PIP5K1B: variants seen among roughly 807,000 people sequenced by gnomAD.
PIP5K1B encodes phosphatidylinositol-4-phosphate 5-kinase type 1 beta, also known as phosphatidylinositol 4-phosphate 5-kinase type-1 beta.
In PIP5K1B, 42 loss-of-function variants were observed where a neutral mutation model predicts 67.0. That is an observed-to-expected ratio of 0.63 (90% CI 0.49 to 0.81). The LOEUF is 0.81. Among genes scored for constraint, PIP5K1B ranks in the 30% least tolerant of loss-of-function variants. The probability of loss-of-function intolerance (pLI) is 0.00; values close to 1 mark genes in which losing one functional copy is unlikely to be tolerated. For synonymous variants in PIP5K1B, 214 were observed against 231.4 expected (o/e 0.92, Z 0.68); for missense variants, 459 against 646.3 (o/e 0.71, Z 3.14).
At chr9:68,963,628 G>C (rs1407268744) in intron 14 of PIP5K1B, among the ~76,000 whole-genome samples, 3 of 152,260 alleles carry the variant, frequency 2.0e-5, no homozygotes, top group Non-Finnish European at 4.4e-5. Context: ...CACGTTTGAT[G>C]TCCCTGCCAA....
chr9:68,838,852 A>G (rs1463255130), intron 4 of PIP5K1B, among the ~76,000 whole-genome samples: 1 of 152,234 alleles, frequency 6.6e-6, no homozygotes, highest in African/African-American at 2.4e-5. Context: ...TTGTAAACAC[A>G]GTTAGCTTTT....
intron 4 of PIP5K1B, among the ~76,000 whole-genome samples, chr9:68,853,951 TC>T (rs1277254142): frequency 1.3e-5 from 2 of 152,022 alleles, no homozygotes; most frequent in Non-Finnish European, 2.9e-5. Flanking sequence ...CCCAAGCCCC[TC>T]CCACTGCTGG....
At chr9:68,905,139 A>G (rs532495014) in intron 8 of PIP5K1B, among the ~76,000 whole-genome samples, 1 of 152,086 alleles carries the variant, frequency 6.6e-6, no homozygotes, top group Admixed American at 6.6e-5. Context: ...TAAGGTCAAT[A>G]TAGGCCCCAA....
chr9:68,827,330 C>T (rs1169335970), intron 4 of PIP5K1B, among the ~76,000 whole-genome samples: 4 of 152,120 alleles, frequency 2.6e-5, no homozygotes, highest in South Asian at 2.1e-4. Context: ...CGGAACTTCC[C>T]GCAATGATGG....
chr9:68,886,349 CAA>C (rs1416218373), intron 6 of PIP5K1B, among the ~76,000 whole-genome samples: 1 of 152,098 alleles, frequency 6.6e-6, no homozygotes, highest in Non-Finnish European at 1.5e-5. Flanking sequence ...TTAATAAAAC[CAA>C]AAACAGACTT....
rs528420790 is a variant in PIP5K1B, at chr9:68,939,772, T to C, written c.1358-874T>C. On this transcript the variant is annotated intron_variant, in intron 13 of 15. Coordinates refer to ENST00000265382, the MANE Select transcript of PIP5K1B (RefSeq NM_003558.4). ...TCCAAAATCCAAAACCTCACACTCA[T>C]ACGAGAATCCCTGTTAGGGTCGGTT... is the stretch of plus-strand genomic sequence containing the variant. Among the ~76,000 whole-genome samples, 145 of 152,324 alleles carry C rather than the reference T, an allele frequency of 9.5e-4. 1 individual carries two copies. Among genetic ancestry groups the C allele is most frequent in the African/African-American group, 3.2e-3 (135 of 41,568 alleles).
At chr9:68,729,032 G>T (rs1270825275) in intron 1 of PIP5K1B, 1 of 152,130 alleles carries the variant, frequency 6.6e-6, no homozygotes, top group Non-Finnish European at 1.5e-5. Context: ...CTTAGAAGTG[G>T]TAATTCATGG....
chr9:68,836,742 A>G (rs1488986864), intron 4 of PIP5K1B, among the ~76,000 whole-genome samples: 2 of 152,118 alleles, frequency 1.3e-5, no homozygotes, highest in Admixed American at 6.6e-5. Flanking sequence ...GGAAGAAACT[A>G]CACTTTATGA....
intron 4 of PIP5K1B, among the ~76,000 whole-genome samples, chr9:68,828,826 G>A (rs1184893629): frequency 6.6e-6 from 1 of 152,212 alleles, no homozygotes; most frequent in African/African-American, 2.4e-5. Flanking sequence ...CTATGGCTGG[G>A]CACGGTGGAT....
intron 5 of PIP5K1B, among the ~76,000 whole-genome samples, chr9:68,871,134 G>A (rs1443690818): frequency 6.6e-6 from 1 of 152,190 alleles, no homozygotes; most frequent in Non-Finnish European, 1.5e-5. Flanking sequence ...AACACCAACT[G>A]ACCAAAGCTT....
At chr9:68,785,758 G>A (rs1420181747) in intron 2 of PIP5K1B, among the ~76,000 whole-genome samples, 1 of 152,134 alleles carries the variant, frequency 6.6e-6, no homozygotes. Flanking sequence ...GAGCAGGGTG[G>A]CTGTGGTGAG....
rs543066559 is a variant in PIP5K1B at position 68,706,698 on chromosome 9, C to A, written c.-243+936C>A. ...GTGACATTCTCAGATGCAGGAGGCC[C>A]TAGCTTTAAGGGGAATGATCCTTAA... On this transcript the variant is annotated intron_variant, in intron 1 of 15. Transcript: ENST00000265382. Among the ~76,000 whole-genome samples, 16 of 152,256 alleles carry A rather than the reference C, an allele frequency of 1.1e-4. No individual in the cohort carries two copies. The South Asian group carries it at 3.3e-3, about 32-fold the overall frequency.
At chr9:68,960,213 G>T (rs1303655904) in intron 14 of PIP5K1B, among the ~76,000 whole-genome samples, 1 of 152,176 alleles carries the variant, frequency 6.6e-6, no homozygotes, top group Non-Finnish European at 1.5e-5. Context: ...TTATTCCATT[G>T]TCTTCAGGCT....
intron 14 of PIP5K1B, among the ~76,000 whole-genome samples, chr9:68,947,281 C>T (rs973256393): frequency 2.0e-5 from 3 of 152,192 alleles, no homozygotes; most frequent in Non-Finnish European, 2.9e-5. Flanking sequence ...TACCTGCTGC[C>T]GCCTTGGAGA....
At chr9:68,926,594 T>C (rs751545933) in intron 12 of PIP5K1B, among the ~76,000 whole-genome samples, 2 of 152,122 alleles carry the variant, frequency 1.3e-5, no homozygotes, top group Non-Finnish European at 2.9e-5. Flanking sequence ...TATTTTGAGA[T>C]GGTGCCTCAC....
chr9:68,749,390 C>T (rs1486052348), intron 2 of PIP5K1B, among the ~76,000 whole-genome samples: 1 of 152,154 alleles, frequency 6.6e-6, no homozygotes, highest in East Asian at 1.9e-4. Context: ...GGGACAGAGT[C>T]CCCCTGTAGC....
rs192306524 is a variant in PIP5K1B, at chr9:68,967,669, G to A, written c.1503-23471G>A. ...TCCAGCAGTTCAGGGAATCTGTCAC[G>A]CCATGCTTTCATCAAGCTTGCTTCT... On this transcript the variant is annotated intron_variant, in intron 14 of 15. Coordinates refer to ENST00000265382, the MANE Select transcript of PIP5K1B (RefSeq NM_003558.4). 1.1e-3 allele frequency among the ~76,000 whole-genome samples: 167 copies of A among 152,224 alleles called. 1 individual carries two copies. The highest frequency in any genetic ancestry group is 3.7e-3 in the African/African-American group (153 of 41,532).
At chr9:68,718,489 C>T (rs573570840) in intron 1 of PIP5K1B, among the ~76,000 whole-genome samples, 1 of 152,270 alleles carries the variant, frequency 6.6e-6, no homozygotes, top group South Asian at 2.1e-4. Context: ...ATTAAGCCTG[C>T]TCATTTTCAT....
chr9:68,709,715 CA>C (rs1398763564), intron 1 of PIP5K1B, among the ~76,000 whole-genome samples: 21 of 152,124 alleles, frequency 1.4e-4, no homozygotes, highest in Non-Finnish European at 1.5e-5. Flanking sequence ...AGTTTGAGAC[CA>C]GCCTGGGCAA....
Sources: gnomAD v4.1 joint callset for allele counts (sites outside exome capture counted in the v4.1 genomes callset) on GRCh38, gnomAD v4.1.1 for gene constraint, MANE v1.5 for transcripts, NCBI Gene and HGNC (gene_info 2026-07-23, HGNC 2026-07-21) for gene names.